NDUFAF6: variants seen among roughly 807,000 people sequenced by gnomAD.
NDUFAF6 encodes the protein NADH:ubiquinone oxidoreductase complex assembly factor 6.
NDUFAF6 carries 45 observed loss-of-function variants against 40.8 expected under a neutral mutation model. The observed-to-expected ratio is 1.10, with a 90% CI of 0.87 to 1.42. NDUFAF6 has a LOEUF of 1.42. NDUFAF6 is among the 40% of genes most tolerant of loss of function. The probability of loss-of-function intolerance (pLI) is 0.00; values close to 1 mark genes in which losing one functional copy is unlikely to be tolerated. For synonymous variants in NDUFAF6, 185 were observed against 155.9 expected, an observed-to-expected ratio of 1.19 and a Z score of -1.39; for missense variants, 435 against 418.5, an observed-to-expected ratio of 1.04 and a Z score of -0.34.
At chr8:94,995,602 A>G (rs1459145821) in intron 2 of NDUFAF6, among the ~76,000 whole-genome samples, 2 of 152,144 alleles carry the variant, frequency 1.3e-5, no homozygotes, top group Admixed American at 6.5e-5. Context: ...TTGAAAAAAA[A>G]AAAGAATGGC....
At chr8:95,101,567 T>C (rs1436554216) in intron 2 of NDUFAF6, among the ~76,000 whole-genome samples, 1 of 152,212 alleles carries the variant, frequency 6.6e-6, no homozygotes, top group African/African-American at 2.4e-5. Context: ...TTGGCCCTAA[T>C]TTGGTCATCA....
intron 2 of NDUFAF6, among the ~76,000 whole-genome samples, chr8:95,005,247 AC>A (rs1206037193): frequency 6.6e-6 from 1 of 152,050 alleles, no homozygotes; most frequent in Non-Finnish European, 1.5e-5. Flanking sequence ...AGAGACCCCC[AC>A]CAAGCTAGAT....
intron 4 of NDUFAF6, among the ~76,000 whole-genome samples, chr8:95,112,506 G>A (rs1810024655): frequency 6.6e-6 from 1 of 152,204 alleles, no homozygotes; most frequent in African/African-American, 2.4e-5. Flanking sequence ...ACTTCAGAGA[G>A]AGCTTGAACG....
intron 2 of NDUFAF6, among the ~76,000 whole-genome samples, chr8:95,035,023 G>A (rs181817022): frequency 1.2e-3 from 185 of 152,114 alleles, no homozygotes; most frequent in Non-Finnish European, 2.4e-3. Context: ...GGGATTACAG[G>A]CACCCACCAC....
chr8:94,986,976 A>C (rs1825942542), intron 2 of NDUFAF6, among the ~76,000 whole-genome samples: 1 of 152,128 alleles, frequency 6.6e-6, no homozygotes, highest in South Asian at 2.1e-4. Context: ...TTTTTTTTCA[A>C]AGGAACACCA....
At chr8:95,086,856 G>A (rs1809064549) in intron 2 of NDUFAF6, among the ~76,000 whole-genome samples, 1 of 152,036 alleles carries the variant, frequency 6.6e-6, no homozygotes, top group South Asian at 2.1e-4. Flanking sequence ...GCCCGCCTCC[G>A]CCCCCCAAAG....
chr8:95,052,093 T>C lies in NDUFAF6; in HGVS notation c.817-81T>C, dbSNP rs765228772. 1.3e-5 allele frequency: 18 copies of C among 1,346,406 alleles called. No individual in the cohort carries two copies. In the Admixed American group the frequency reaches 2.4e-4, roughly 18 times the overall value. 83.4% of individuals were successfully genotyped at this position (1,346,406 alleles called of 1,614,324 possible). Reference sequence around the variant, plus strand: ...TTTGAGAGAGGCCCTATCAGTATTGTTAAACTGCTGGTGTTGCTTTCAGAG... The same window carrying C: ...TTTGAGAGAGGCCCTATCAGTATTGCTAAACTGCTGGTGTTGCTTTCAGAG... On this transcript the variant is annotated intron_variant, in intron 7 of 8. Transcript: ENST00000396124.
chr8:95,037,262 A>C (rs1829610895), intron 3 of NDUFAF6, among the ~76,000 whole-genome samples: 2 of 152,340 alleles, frequency 1.3e-5, no homozygotes, highest in South Asian at 4.1e-4. Flanking sequence ...CTTCTTTAAA[A>C]TATTTACTTT....
intron 1 of NDUFAF6, among the ~76,000 whole-genome samples, chr8:94,978,087 A>G (rs1008574823): frequency 6.6e-6 from 1 of 152,132 alleles, no homozygotes; most frequent in Non-Finnish European, 1.5e-5. Context: ...TCTATTAATA[A>G]TTCGGCAACT....
intron 8 of NDUFAF6, among the ~76,000 whole-genome samples, chr8:95,054,675 T>G (rs566781410): frequency 6.6e-6 from 1 of 152,178 alleles, no homozygotes; most frequent in East Asian, 1.9e-4. Context: ...CTTCAGGTGA[T>G]CCACCCGCCT....
Position 95,035,464 on chromosome 8 carries a change from C to T in NDUFAF6, c.308C>T (p.Ser103Leu), listed in dbSNP as rs995812163. The T allele has an allele frequency of 6.2e-7, 1 of 1,613,464 alleles. No individual in the cohort carries two copies. Among genetic ancestry groups the T allele is most frequent in the African/African-American group, 1.3e-5 (1 of 74,816 alleles). ...AAACCCTGTTTATAGGTTAAAGACTCAGTCTCTGAGAAAACAATTGGACTG... is the reference window on the plus strand; with the variant it reads ...AAACCCTGTTTATAGGTTAAAGACTTAGTCTCTGAGAAAACAATTGGACTG... Reference protein sequence around the residue: ...FNVELAQVKDSVSEKTIGLMR... With the variant: ...FNVELAQVKDLVSEKTIGLMR... The change falls in exon 3 of 9, where the codon TCA becomes TTA. Residue 103 changes from serine (S) to leucine (L), a missense_variant. Physicochemically the swap from Ser to Leu is moderately radical, Grantham distance 145 (BLOSUM62 -2). Transcript: ENST00000396124.
upstream of NDUFAF6, among the ~76,000 whole-genome samples, chr8:95,096,878 G>C (rs1237292893): frequency 6.6e-6 from 1 of 152,214 alleles, no homozygotes; most frequent in East Asian, 1.9e-4. Context: ...ACAGCAGGAA[G>C]GGGTTGGTTC....
At chr8:95,064,248 TAATC>T (rs1415163906) in intron 9 of NDUFAF6, among the ~76,000 whole-genome samples, 1 of 152,040 alleles carries the variant, frequency 6.6e-6, no homozygotes, top group Non-Finnish European at 1.5e-5. Context: ...TTTCTCAAGT[TAATC>T]AACATAAAGA....
At chr8:95,035,616 T>C in intron 3 of NDUFAF6, 40 bp downstream of exon 3, 1 of 1,580,890 alleles carries the variant, frequency 6.3e-7, no homozygotes, top group East Asian at 2.2e-5. Context: ...TGTATGAATA[T>C]TATTCGAGTC....
At chr8:94,939,725 G>T in intron 1 of NDUFAF6, 1 of 1,251,848 alleles carries the variant, frequency 8.0e-7, no homozygotes, top group Non-Finnish European at 1.1e-6. Context: ...ACCATCTTGT[G>T]TACTATGCAC....
rs566469963 is a variant in NDUFAF6 at position 94,906,295 on chromosome 8, T to C, written c.-936+10368T>C. Among the ~76,000 whole-genome samples the C allele has an allele frequency of 1.7e-3, 265 of 152,268 alleles. 1 individual carries two copies. Among genetic ancestry groups the C allele is most frequent in the African/African-American group, 6.2e-3 (257 of 41,564 alleles). On this transcript the variant is annotated intron_variant, in intron 1 of 14. Coordinates refer to the NDUFAF6 transcript ENST00000396113. ...ATCTATTCACCATCCCAGGAACTCATCCCACACGTCCCTTTCCCTGTGTCC... is the reference window on the plus strand; with the variant it reads ...ATCTATTCACCATCCCAGGAACTCACCCCACACGTCCCTTTCCCTGTGTCC...
intron 2 of NDUFAF6, among the ~76,000 whole-genome samples, chr8:95,092,732 G>T (rs1193943466): frequency 6.6e-6 from 1 of 151,890 alleles, no homozygotes; most frequent in Admixed American, 6.6e-5. Context: ...CTACAGGTGT[G>T]TGCCACCACG....
chr8:94,923,927 A>T (rs1214973794), intron 1 of NDUFAF6, among the ~76,000 whole-genome samples: 1 of 150,888 alleles, frequency 6.6e-6, no homozygotes, highest in Non-Finnish European at 1.5e-5. Flanking sequence ...TGACCTTGTG[A>T]TCCACCCGCC....
intron 1 of NDUFAF6, among the ~76,000 whole-genome samples, chr8:94,974,109 C>T (rs929559163): frequency 3.9e-5 from 6 of 152,242 alleles, no homozygotes; most frequent in African/African-American, 1.4e-4. Context: ...TACCACCCTG[C>T]ACTGTGGCCA....
Sources: allele counts gnomAD v4.1 joint callset (sites outside exome capture counted in the v4.1 genomes callset), GRCh38; gene constraint gnomAD v4.1.1; transcripts MANE v1.5; gene names NCBI Gene and HGNC (gene_info 2026-07-23, HGNC 2026-07-21).